SLC1A6: variants seen among roughly 807,000 people sequenced by gnomAD.
The protein encoded by SLC1A6 is excitatory amino acid transporter 4.
SLC1A6 carries 15 observed loss-of-function variants against 42.1 expected under a neutral mutation model. The ratio of observed to expected loss-of-function variants is 0.36; its 90% CI spans 0.24 to 0.55. The LOEUF (loss-of-function observed/expected upper bound fraction) is 0.55. SLC1A6 is among the 20% of genes least tolerant of loss of function. The pLI is 0.88. For missense variants in SLC1A6, 542 were observed against 772.5 expected (o/e 0.70, Z 3.54); for synonymous variants, 317 against 319.7 (o/e 0.99, Z 0.09).
intron 1 of SLC1A6, among the ~76,000 whole-genome samples, chr19:15,004,085 G>A (rs2045885140): frequency 6.6e-6 from 1 of 152,122 alleles, no homozygotes; most frequent in African/African-American, 2.4e-5. Context: ...GAACCCAGGA[G>A]GAGGAGGTTG....
chr19:15,008,031 C>A (rs200101468), intron 1 of SLC1A6, among the ~76,000 whole-genome samples: 136 of 79,400 alleles, frequency 1.7e-3, no homozygotes, highest in Middle Eastern at 5.3e-3. Context: ...GCCCCCCCCC[C>A]AAAAAAAAAC....
intron 1 of SLC1A6, chr19:14,973,816 G>A: frequency 6.6e-6 from 1 of 152,380 alleles, no homozygotes; most frequent in Non-Finnish European, 1.5e-5. Flanking sequence ...CAGGTGCCTG[G>A]CAAACAGCAG....
At chr19:14,989,183 T>C (rs1320966069) in intron 1 of SLC1A6, among the ~76,000 whole-genome samples, 4 of 152,168 alleles carry the variant, frequency 2.6e-5, no homozygotes, top group African/African-American at 4.8e-5. Context: ...ATTTGGGTGA[T>C]GGCTACACTA....
At chr19:14,984,915 T>C (rs1458836179) in intron 1 of SLC1A6, among the ~76,000 whole-genome samples, 2 of 152,208 alleles carry the variant, frequency 1.3e-5, no homozygotes, top group African/African-American at 4.8e-5. Flanking sequence ...AGAGTCTCGC[T>C]CTGCTGCCCA....
rs995176431 is a variant in SLC1A6, at chr19:14,950,119, G to A, written c.*76C>T. 1 of 1,118,918 alleles carries A rather than the reference G, an allele frequency of 8.9e-7. No homozygotes were observed. The highest frequency in any genetic ancestry group is 1.2e-6 in the Non-Finnish European group (1 of 817,540). 69.3% of individuals were successfully genotyped at this position (1,118,918 alleles called of 1,614,324 possible). ...CGTGTGTTCAGCCCACGGTCAGTTG[G>A]GCAACAGATGTGTCACCAGGACTCC... On this transcript the variant is annotated 3_prime_UTR_variant, in exon 10 of 10. Coordinates refer to ENST00000594383, the MANE Select transcript of SLC1A6 (RefSeq NM_005071.3).
chr19:15,006,760 C>CAAA (rs58932066), intron 1 of SLC1A6, among the ~76,000 whole-genome samples: 41 of 133,124 alleles, frequency 3.1e-4, no homozygotes, highest in African/African-American at 9.0e-4. Context: ...CCTGTCTCTA[C>CAAA]AAAAAAAAAA....
chr19:14,987,171 A>G (rs533750195), intron 1 of SLC1A6, among the ~76,000 whole-genome samples: 14 of 152,210 alleles, frequency 9.2e-5, no homozygotes, highest in African/African-American at 2.9e-4. Context: ...TCCTATGGGG[A>G]AAAAACAATA....
At chr19:14,955,979 C>G (rs1389661089) in intron 7 of SLC1A6, among the ~76,000 whole-genome samples, 1 of 151,966 alleles carries the variant, frequency 6.6e-6, no homozygotes, top group African/African-American at 2.4e-5. Flanking sequence ...GGCTGTTGTG[C>G]TACTTTTCAA....
chr19:15,006,832 G>A (rs2045898285), intron 1 of SLC1A6, among the ~76,000 whole-genome samples: 1 of 152,018 alleles, frequency 6.6e-6, no homozygotes, highest in African/African-American at 2.4e-5. Context: ...CATGCCCGTA[G>A]TCCTAGATAC....
At position 15,010,492 on chromosome 19, in the gene SLC1A6, CGACA is replaced by C. The variant is rs758664679; in HGVS notation, c.-6_-3del. 3.8e-4 allele frequency: 211 copies of C among 548,104 alleles called. 1 individual carries two copies. The highest frequency in any genetic ancestry group is 1.3e-3 in the Admixed American group (58 of 45,040). 34.0% of individuals were successfully genotyped at this position (548,104 alleles called of 1,614,324 possible). ...CCCTTCTTCCATGCTTACCGACATG[CGACA>C]GAGTGTGACCTGGACAGCTGGAAGC... On this transcript the variant is annotated 5_prime_UTR_variant, in exon 1 of 9. Coordinates refer to the SLC1A6 transcript ENST00000430939.
chr19:14,986,157 A>C (rs535603965), intron 1 of SLC1A6, among the ~76,000 whole-genome samples: 1 of 151,130 alleles, frequency 6.6e-6, no homozygotes, highest in Non-Finnish European at 1.5e-5. Flanking sequence ...GTGTAGAAAA[A>C]TTTTTTATCC....
intron 6 of SLC1A6, among the ~76,000 whole-genome samples, chr19:14,960,983 C>T (rs1349867842): frequency 6.9e-6 from 1 of 144,038 alleles, no homozygotes; most frequent in Non-Finnish European, 1.5e-5. Context: ...GCAACCACAA[C>T]TCACTGCAGC....
intron 1 of SLC1A6, among the ~76,000 whole-genome samples, chr19:14,992,825 G>C (rs2045827399): frequency 6.6e-6 from 1 of 152,150 alleles, no homozygotes; most frequent in Non-Finnish European, 1.5e-5. Flanking sequence ...GACTGCCCCA[G>C]CTGCAAGGTG....
intron 7 of SLC1A6, among the ~76,000 whole-genome samples, chr19:14,954,739 CTGA>C (rs1346429209): frequency 6.6e-6 from 1 of 152,110 alleles, no homozygotes; most frequent in African/African-American, 2.4e-5. Flanking sequence ...ATTTCAGAGG[CTGA>C]TAACTGTACA....
At chr19:14,960,930 C>CTTT (rs58843508) in intron 6 of SLC1A6, among the ~76,000 whole-genome samples, 17,446 of 138,556 alleles carry the variant, frequency 0.13, 1,540 homozygotes, top group African/African-American at 0.24. Flanking sequence ...TGGTCTCTCC[C>CTTT]TTTTTTTTTT....
At position 14,950,144 on chromosome 19, in the gene SLC1A6, C is replaced by CCCT. The variant is rs2045396601; in HGVS notation, c.*48_*50dup. On this transcript the variant is annotated 3_prime_UTR_variant, in exon 10 of 10. Transcript: ENST00000594383. ...GGCAACAGATGTGTCACCAGGACTCCCCTCCCCAGCCCCCTTCCCTCCTCT... is the reference window on the plus strand; with the variant it reads ...GGCAACAGATGTGTCACCAGGACTCCCCTCCTCCCCAGCCCCCTTCCCTCCTCT... 2.2e-6 allele frequency: 3 copies of CCCT among 1,360,762 alleles called. No individual in the cohort carries two copies. The highest frequency in any genetic ancestry group is 1.5e-5 in the African/African-American group (1 of 68,144). 84.3% of individuals were successfully genotyped at this position (1,360,762 alleles called of 1,614,324 possible). A position where few individuals can be genotyped will look rare whatever the true frequency, so the allele number is the denominator to read the frequency against.
chr19:15,006,816 G>T (rs997778234), intron 1 of SLC1A6, among the ~76,000 whole-genome samples: 2 of 151,946 alleles, frequency 1.3e-5, no homozygotes, highest in Admixed American at 6.6e-5. Flanking sequence ...GCTATGCATG[G>T]TGGCACATGC....
At chr19:14,973,257 T>G in intron 1 of SLC1A6, 1 of 264,648 alleles carries the variant, frequency 3.8e-6, no homozygotes, top group South Asian at 8.4e-5. Flanking sequence ...CCTCCACCCC[T>G]CCAAAAAAGC....
chr19:14,975,845 CAAAGGGAAGGGAAGGGAAGGGAAGG>C lies in SLC1A6; in HGVS notation c.-7-2953_-7-2929del, dbSNP rs1172481724. On this transcript the variant is annotated intron_variant, in intron 1 of 9. Transcript: ENST00000594383. ...ACAAAGGGAAGGGAAGGGAAGGGGA[CAAAGGGAAGGGAAGGGAAGGGAAGG>C]AAAGGGAAGGGAAGGGAAGGGAAGG... is the stretch of plus-strand genomic sequence containing the variant. Among the ~76,000 whole-genome samples, 32 of 56,356 alleles carry C rather than the reference CAAAGGGAAGGGAAGGGAAGGGAAGG, an allele frequency of 5.7e-4. 1 individual carries two copies. Among genetic ancestry groups the C allele is most frequent in the African/African-American group, 2.1e-3 (27 of 12,880 alleles). The allele number at this position is 56,356 out of a possible 152,430, so 37.0% of individuals were successfully genotyped here.
Sources: gnomAD v4.1 joint callset for allele counts (sites outside exome capture counted in the v4.1 genomes callset) on GRCh38, gnomAD v4.1.1 for gene constraint, MANE v1.5 for transcripts, NCBI Gene and HGNC (gene_info 2026-07-23, HGNC 2026-07-21) for gene names.